The following LHFPL2 variants were observed in gnomAD, a reference collection of about 807,000 sequenced individuals.
LHFPL2 encodes LHFPL tetraspan subfamily member 2.
A neutral mutation model predicts 17.5 loss-of-function variants in LHFPL2; 7 were observed. The observed-to-expected ratio is 0.40, with a 90% confidence interval of 0.23 to 0.75. The LOEUF is 0.75. Ranked by LOEUF, LHFPL2 falls within the 30% of genes least tolerant of loss-of-function variation. The pLI, the probability that LHFPL2 is intolerant of heterozygous loss-of-function variation, is 0.37. For synonymous variants in LHFPL2, 134 were observed against 116.2 expected (o/e 1.15, Z -0.99); for missense variants, 241 against 294.8 (o/e 0.82, Z 1.34).
rs1016104269 is a variant in LHFPL2, at chr5:78,486,919, ATT to A, written c.*1976_*1977del. On this transcript the variant is annotated 3_prime_UTR_variant, in exon 5 of 5. Transcript: ENST00000380345. ...AGTCTTCTGATAAGTTTATGGAAAA[ATT>A]TTGTGTTTTTCATCAAGGTTTGAGA... 2.0e-5 allele frequency: 3 copies of A among 152,298 alleles called. No homozygotes were observed. The highest frequency in any genetic ancestry group is 7.2e-5 in the African/African-American group (3 of 41,558). The allele number at this position is 152,298 out of a possible 1,614,324, so 9.4% of individuals were successfully genotyped here. A position where few individuals can be genotyped will look rare whatever the true frequency, so the allele number is the denominator to read the frequency against.
At chr5:78,534,709 G>T (rs1463191775) in intron 3 of LHFPL2, among the ~76,000 whole-genome samples, 1 of 152,198 alleles carries the variant, frequency 6.6e-6, no homozygotes, top group Non-Finnish European at 1.5e-5. Flanking sequence ...GAAGGCCCAG[G>T]GCCTTCTCAG....
chr5:78,499,583 C>T (rs1346843388), intron 4 of LHFPL2, among the ~76,000 whole-genome samples: 1 of 152,120 alleles, frequency 6.6e-6, no homozygotes, highest in Non-Finnish European at 1.5e-5. Flanking sequence ...AACATTTGTC[C>T]AGCTGAAGAG....
chr5:78,525,123 G>A (rs74769882), intron 3 of LHFPL2, among the ~76,000 whole-genome samples: 3,104 of 152,252 alleles, frequency 0.02, 103 homozygotes, highest in African/African-American at 0.07. Flanking sequence ...CTCAGTCGTG[G>A]CCAAAAACAA....
chr5:78,534,406 T>C (rs1446551670), intron 3 of LHFPL2, among the ~76,000 whole-genome samples: 1 of 152,128 alleles, frequency 6.6e-6, no homozygotes, highest in East Asian at 1.9e-4. Context: ...TCCAGGGCCG[T>C]AGCAGGCTCC....
chr5:78,640,626 A>G (rs1188309963), intron 1 of LHFPL2, among the ~76,000 whole-genome samples: 3 of 152,220 alleles, frequency 2.0e-5, no homozygotes. Context: ...AAAGTAACAT[A>G]CTACTTGTAG....
chr5:78,540,192 A>G (rs1756069219), intron 3 of LHFPL2, among the ~76,000 whole-genome samples: 2 of 152,222 alleles, frequency 1.3e-5, no homozygotes, highest in Non-Finnish European at 2.9e-5. Flanking sequence ...CCTGTACGCT[A>G]AGAGACATGT....
At chr5:78,610,312 A>C (rs78040408) in intron 2 of LHFPL2, among the ~76,000 whole-genome samples, 2,372 of 152,336 alleles carry the variant, frequency 0.016, 65 homozygotes, top group African/African-American at 0.054. Flanking sequence ...CTGTCTGAGA[A>C]GGAAAGGGCT....
At chr5:78,609,111 C>G (rs1165145193) in intron 2 of LHFPL2, among the ~76,000 whole-genome samples, 1 of 152,026 alleles carries the variant, frequency 6.6e-6, no homozygotes, top group Non-Finnish European at 1.5e-5. Flanking sequence ...TATAATTAGA[C>G]AAGTGTAGTA....
intron 2 of LHFPL2, among the ~76,000 whole-genome samples, chr5:78,591,617 G>A (rs760174838): frequency 1.1e-4 from 16 of 152,176 alleles, no homozygotes; most frequent in Non-Finnish European, 2.4e-4. Flanking sequence ...TTTGTGTCCT[G>A]TAATCCTTGA....
rs574756615 is a variant in LHFPL2, at chr5:78,541,281, C to T, written c.-186+23532G>A. Among the ~76,000 whole-genome samples, 310 of 152,110 alleles carry T rather than the reference C, an allele frequency of 2.0e-3. 2 individuals carry two copies. The highest frequency in any genetic ancestry group is 8.4e-4 in the African/African-American group (35 of 41,484). On this transcript the variant is annotated intron_variant, in intron 3 of 4. Transcript: ENST00000380345. ...CATTTGGGCAACTAGAGGGAGGGGG[C>T]GAAGGTGGGGACAGCATCTTCTAAG...
chr5:78,637,956 T>C (rs1745515041), intron 1 of LHFPL2, among the ~76,000 whole-genome samples: 1 of 152,174 alleles, frequency 6.6e-6, no homozygotes, highest in African/African-American at 2.4e-5. Context: ...CCTCACACTG[T>C]TCACTCAAGT....
chr5:78,556,576 G>A (rs1756577096), intron 3 of LHFPL2, among the ~76,000 whole-genome samples: 1 of 151,922 alleles, frequency 6.6e-6, no homozygotes, highest in Admixed American at 6.6e-5. Flanking sequence ...ATCCATAAAA[G>A]GATATTCAAG....
intron 3 of LHFPL2, among the ~76,000 whole-genome samples, chr5:78,560,123 A>G (rs941869476): frequency 5.3e-5 from 8 of 152,236 alleles, no homozygotes; most frequent in African/African-American, 1.7e-4. Flanking sequence ...AATGACAGAG[A>G]ATAGCTATCC....
chr5:78,508,087 G>A (rs1754989143), intron 4 of LHFPL2, among the ~76,000 whole-genome samples: 1 of 152,040 alleles, frequency 6.6e-6, no homozygotes, highest in Non-Finnish European at 1.5e-5. Context: ...GTGGTGAGAT[G>A]CCAAGCTGAA....
intron 4 of LHFPL2, among the ~76,000 whole-genome samples, chr5:78,489,754 C>T (rs980529032): frequency 6.6e-6 from 1 of 152,188 alleles, no homozygotes; most frequent in African/African-American, 2.4e-5. Context: ...TAAACTAAGG[C>T]CCTCAAGCCA....
chr5:78,646,361 C>A (rs772873924), intron 1 of LHFPL2, among the ~76,000 whole-genome samples: 13 of 152,216 alleles, frequency 8.5e-5, no homozygotes, highest in Non-Finnish European at 1.2e-4. Context: ...CCACTTTTTC[C>A]TAGGGATTTG....
At chr5:78,528,918 A>C (rs1461275511) in intron 3 of LHFPL2, among the ~76,000 whole-genome samples, 4 of 152,350 alleles carry the variant, frequency 2.6e-5, no homozygotes, top group East Asian at 3.9e-4. Flanking sequence ...CTAACAGATA[A>C]AAACAGCTTG....
intron 2 of LHFPL2, among the ~76,000 whole-genome samples, chr5:78,609,844 T>TA (rs139554101): frequency 0.011 from 1,649 of 145,948 alleles, 6 homozygotes; most frequent in Non-Finnish European, 0.015. Context: ...TTGGTGTACC[T>TA]AAAAAAAAAA....
At chr5:78,591,821 A>G (rs1201022453) in intron 2 of LHFPL2, among the ~76,000 whole-genome samples, 1 of 152,252 alleles carries the variant, frequency 6.6e-6, no homozygotes, top group Non-Finnish European at 1.5e-5. Context: ...TGAGGCAGCA[A>G]GAGCAAACAC....
Sources: allele counts gnomAD v4.1 joint callset (sites outside exome capture counted in the v4.1 genomes callset), GRCh38; gene constraint gnomAD v4.1.1; transcripts MANE v1.5; gene names NCBI Gene and HGNC (gene_info 2026-07-23, HGNC 2026-07-21).